Variants in CDC25A observed in about 807,000 individuals in gnomAD.
CDC25A encodes cell division cycle 25A, also known as M-phase inducer phosphatase 1.
A neutral mutation model predicts 64.6 loss-of-function variants in CDC25A; 17 were observed. The ratio of observed to expected loss-of-function variants is 0.26; its 90% CI spans 0.18 to 0.39. The LOEUF (loss-of-function observed/expected upper bound fraction) is 0.39. Among genes scored for constraint, CDC25A ranks in the 10% least tolerant of loss-of-function variants. The probability of loss-of-function intolerance (pLI) is 1.00; values close to 1 mark genes in which losing one functional copy is unlikely to be tolerated. For synonymous variants in CDC25A, 229 were observed against 238.6 expected (o/e 0.96, Z 0.37); for missense variants, 473 against 654.8 (o/e 0.72, Z 3.03).
chr3:48,187,332 T>C (rs1254235502), intron 1 of CDC25A, among the ~76,000 whole-genome samples: 1 of 152,150 alleles, frequency 6.6e-6, no homozygotes, highest in Non-Finnish European at 1.5e-5. Context: ...TGATTTTACA[T>C]AAACGCCAGG....
rs1222752213 is a variant in CDC25A at position 48,158,967 on chromosome 3, T to C, written c.1553A>G (p.Tyr518Cys). 1.2e-6 allele frequency: 2 copies of C among 1,614,070 alleles called. No individual in the cohort carries two copies. Among genetic ancestry groups the C allele is most frequent in the Non-Finnish European group, 1.7e-6 (2 of 1,180,038 alleles). The change falls in exon 15 of 15, where the codon TAC becomes TGC. Residue 518 changes from tyrosine to cysteine, a missense_variant. Physicochemically the swap from Tyr to Cys is radical, Grantham distance 194. Coordinates refer to ENST00000302506, the MANE Select transcript of CDC25A (RefSeq NM_001789.3). ...WAGEKSKREMYSRLKKL is the reference protein window; with the variant it reads ...WAGEKSKREMCSRLKKL ...CCCTCAGAGCTTCTTCAGACGACTG[T>C]ACATCTCCCTCTTGCTCTTCTCCCC...
chr3:48,186,228 AT>A lies in CDC25A; in HGVS notation c.247+474del, dbSNP rs2032838025. ...ACCTCCTTATAGACATTTGAAACCT[AT>A]TTCCTTTCTTCATAAACAGCCACAA... is the stretch of plus-strand genomic sequence containing the variant. On this transcript the variant is annotated intron_variant, in intron 2 of 14. Coordinates refer to ENST00000302506, the MANE Select transcript of CDC25A (RefSeq NM_001789.3). 3.3e-5 allele frequency among the ~76,000 whole-genome samples: 5 copies of A among 152,092 alleles called. No homozygotes were observed. The South Asian group carries it at 1.0e-3, about 31-fold the overall frequency.
At chr3:48,167,081 C>T (rs1332785696) in intron 10 of CDC25A, among the ~76,000 whole-genome samples, 1 of 152,176 alleles carries the variant, frequency 6.6e-6, no homozygotes, top group Non-Finnish European at 1.5e-5. Context: ...CTTCTCACGG[C>T]ATGCTGTTTA....
intron 12 of CDC25A, among the ~76,000 whole-genome samples, 166 bp downstream of exon 12, chr3:48,165,470 T>C (rs151069504): frequency 1.1e-3 from 166 of 152,256 alleles, no homozygotes; most frequent in African/African-American, 3.9e-3. Flanking sequence ...CAAGGGAACA[T>C]TCGTTAAGAG....
In CDC25A at chr3:48,158,910, G is replaced by A. The variant is rs756196630; in HGVS notation, c.*35C>T. The A allele has an allele frequency of 2.5e-6, 4 of 1,612,158 alleles. No individual in the cohort carries two copies. The highest frequency in any genetic ancestry group is 2.5e-6 in the Non-Finnish European group (3 of 1,178,932). On this transcript the variant is annotated 3_prime_UTR_variant, in exon 15 of 15. Coordinates refer to ENST00000302506, the MANE Select transcript of CDC25A (RefSeq NM_001789.3). ...CAAAGAGGGTAAAGGGGGATGGAGG[G>A]AAGCTTGGGCTGCTGCTGGCTGGTC... is the stretch of plus-strand genomic sequence containing the variant.
rs541859496 is a variant in CDC25A, at chr3:48,165,861, A to G, written c.1062T>C (p.His354=). 21 of 1,609,152 alleles carry G rather than the reference A, an allele frequency of 1.3e-5. 1 individual carries two copies. The Admixed American group carries it at 3.2e-4, about 24-fold the overall frequency. The change falls in exon 11 of 15, where the codon CAT becomes CAC. Residue 354 remains histidine, a synonymous_variant. Transcript: ENST00000302506. The stretch of plus-strand genomic sequence containing the variant: ...CTGGAGAGATGTATTTTAAATCCTG[A>G]TGTTTCCCAGCAACTGTATGAAAGA... ...GYLFHTVAGK[H]QDLKYISPEI... is the part of the protein sequence containing the mutation.
chr3:48,165,554 G>T, intron 12 of CDC25A, 82 bp downstream of exon 12: 1 of 886,314 alleles, frequency 1.1e-6, no homozygotes, highest in Non-Finnish European at 1.9e-6. Context: ...GAGCTAAGTG[G>T]CCAGGTGTCA....
At chr3:48,182,321 T>C (rs1232337170) in intron 5 of CDC25A, among the ~76,000 whole-genome samples, 1 of 152,154 alleles carries the variant, frequency 6.6e-6, no homozygotes, top group Non-Finnish European at 1.5e-5. Flanking sequence ...TATATAGAAA[T>C]ACAGTAGAGA....
At chr3:48,160,410 CCTT>C (rs944924336) in intron 13 of CDC25A, among the ~76,000 whole-genome samples, 1 of 137,112 alleles carries the variant, frequency 7.3e-6, no homozygotes, top group African/African-American at 2.7e-5. Context: ...CACCCAGTCA[CCTT>C]TTTTTTTTTT....
intron 10 of CDC25A, among the ~76,000 whole-genome samples, chr3:48,166,804 T>C (rs1482678040): frequency 2.0e-5 from 3 of 152,180 alleles, no homozygotes; most frequent in Admixed American, 2.0e-4. Flanking sequence ...CTTGGGAGGC[T>C]GAGGCAGGGG....
At chr3:48,179,300 G>A (rs1407531563) in intron 6 of CDC25A, among the ~76,000 whole-genome samples, 4 of 152,116 alleles carry the variant, frequency 2.6e-5, no homozygotes, top group Non-Finnish European at 5.9e-5. Flanking sequence ...TGTGATACAG[G>A]CTCTAGTCGC....
intron 1 of CDC25A, 28 bp from the exon 2 acceptor site, chr3:48,186,807 T>C (rs1186003889): frequency 2.1e-6 from 3 of 1,442,538 alleles, no homozygotes; most frequent in African/African-American, 2.8e-5. Flanking sequence ...AAACCATGAA[T>C]GATTTATAGG....
intron 2 of CDC25A, among the ~76,000 whole-genome samples, chr3:48,185,069 G>C (rs2032801661): frequency 6.6e-6 from 1 of 152,076 alleles, no homozygotes; most frequent in Non-Finnish European, 1.5e-5. Context: ...AGATTTTCTT[G>C]GCATAGTTTT....
chr3:48,185,341 G>A (rs1284014754), intron 2 of CDC25A, among the ~76,000 whole-genome samples: 2 of 150,872 alleles, frequency 1.3e-5, no homozygotes, highest in African/African-American at 2.4e-5. Flanking sequence ...GCTTGAGCTC[G>A]GAAAGTTGAA....
At chr3:48,165,798 G>A (rs367946194) in intron 11 of CDC25A, 33 bp downstream of exon 11, 45 of 1,583,888 alleles carry the variant, frequency 2.8e-5, no homozygotes, top group African/African-American at 2.6e-4. Flanking sequence ...TCAAGTACCC[G>A]ATGTGTGGTG....
chr3:48,170,898 G>C (rs1447571945), intron 9 of CDC25A, among the ~76,000 whole-genome samples: 1 of 151,832 alleles, frequency 6.6e-6, no homozygotes, highest in Non-Finnish European at 1.5e-5. Context: ...CTGTACTCTA[G>C]CAATGCTTGA....
chr3:48,170,062 TTG>T (rs1173221622), intron 9 of CDC25A, among the ~76,000 whole-genome samples: 3 of 152,044 alleles, frequency 2.0e-5, no homozygotes, highest in African/African-American at 4.8e-5. Flanking sequence ...TATGATATGT[TTG>T]TGTGAGGAAA....
At chr3:48,183,295 C>T (rs767698188) in intron 4 of CDC25A, among the ~76,000 whole-genome samples, 52 of 152,202 alleles carry the variant, frequency 3.4e-4, no homozygotes, top group African/African-American at 1.2e-3. Flanking sequence ...AGTGCCAAAT[C>T]AATCCCCAAA....
chr3:48,174,096 C>T (rs2032365459), intron 9 of CDC25A, among the ~76,000 whole-genome samples, 188 bp downstream of exon 9: 1 of 152,048 alleles, frequency 6.6e-6, no homozygotes, highest in Admixed American at 6.6e-5. Flanking sequence ...GAGTTCAGGA[C>T]CAGCGTGGGC....
Sources: gnomAD v4.1 joint callset for allele counts (sites outside exome capture counted in the v4.1 genomes callset) on GRCh38, gnomAD v4.1.1 for gene constraint, MANE v1.5 for transcripts, NCBI Gene and HGNC (gene_info 2026-07-23, HGNC 2026-07-21) for gene names.